KCNC2: variants seen among roughly 807,000 people sequenced by gnomAD.
The protein encoded by KCNC2 is voltage-gated potassium channel KCNC2.
In KCNC2, 21 loss-of-function variants were observed where a neutral mutation model predicts 44.5. That is an observed-to-expected ratio of 0.47 (90% CI 0.33 to 0.68). The LOEUF (loss-of-function observed/expected upper bound fraction) is 0.68. KCNC2 is among the 30% of genes least tolerant of loss of function. KCNC2 has a pLI of 0.01. For missense variants in KCNC2, 589 were observed against 826.2 expected (o/e 0.71, Z 3.52); for synonymous variants, 391 against 339.1 (o/e 1.15, Z -1.68).
intron 2 of KCNC2, among the ~76,000 whole-genome samples, chr12:75,076,038 T>TACACACACACACACACAC (rs71078709): frequency 7.1e-6 from 1 of 141,344 alleles, no homozygotes; most frequent in South Asian, 2.3e-4. Flanking sequence ...TAATGTTACA[T>TACACACACACACACACAC]ACACACACAC....
At chr12:75,051,840 AT>A (rs373434485) in intron 2 of KCNC2, among the ~76,000 whole-genome samples, 27 of 152,092 alleles carry the variant, frequency 1.8e-4, no homozygotes, top group African/African-American at 6.3e-4. Flanking sequence ...ATGAAAAAAA[AT>A]CTTTGCAATA....
chr12:75,045,501 C>T (rs990892468), intron 4 of KCNC2, among the ~76,000 whole-genome samples: 3 of 151,822 alleles, frequency 2.0e-5, no homozygotes, highest in African/African-American at 7.2e-5. Context: ...CTTTATTCTA[C>T]ATGTTCATTT....
At chr12:75,131,518 G>A (rs911736477) in intron 2 of KCNC2, among the ~76,000 whole-genome samples, 8 of 152,160 alleles carry the variant, frequency 5.3e-5, no homozygotes, top group Admixed American at 5.2e-4. Flanking sequence ...TAAATAGGGA[G>A]ATTATCCTGG....
At chr12:75,192,844 CAAA>C (rs2030414521) in intron 2 of KCNC2, among the ~76,000 whole-genome samples, 1 of 152,030 alleles carries the variant, frequency 6.6e-6, no homozygotes, top group Non-Finnish European at 1.5e-5. Flanking sequence ...ATCTATCGCA[CAAA>C]ATGGTGACCA....
intron 2 of KCNC2, among the ~76,000 whole-genome samples, chr12:75,147,060 A>G (rs1203858699): frequency 1.3e-5 from 2 of 152,214 alleles, no homozygotes; most frequent in African/African-American, 2.4e-5. Context: ...GCAATAAGAG[A>G]GTTTAGCAAG....
intron 4 of KCNC2, among the ~76,000 whole-genome samples, chr12:75,045,341 T>TTA (rs2136920157): frequency 6.6e-6 from 1 of 152,094 alleles, no homozygotes; most frequent in East Asian, 1.9e-4. Context: ...TCTTTCTGAA[T>TTA]TATAGTTTTA....
At chr12:75,138,593 T>A (rs1889396649) in intron 2 of KCNC2, among the ~76,000 whole-genome samples, 1 of 152,176 alleles carries the variant, frequency 6.6e-6, no homozygotes, top group African/African-American at 2.4e-5. Context: ...ACAAGGTATG[T>A]TTTTATTGTA....
chr12:75,207,446 C>A lies in KCNC2; in HGVS notation c.538G>T (p.Gly180Cys), dbSNP rs1283805120. The change falls in exon 2 of 5, where the codon GGC becomes TGC. Residue 180 changes from glycine to cysteine, a missense_variant. Around this residue, in one of 7 missense-constraint regions of KCNC2, gnomAD observed 97 missense variants for 73.3 expected, o/e 1.32. Transcript: ENST00000549446. The surrounding 1 kb of genome is among the most constrained non-coding windows in gnomAD (Gnocchi z 4.1). Reference protein sequence around the residue: ...ETPDLIGGDPGDDEDLAAKRL... With the variant: ...ETPDLIGGDPCDDEDLAAKRL... ...TTGGCCGCCAGGTCCTCGTCGTCGC[C>A]GGGGTCGCCGCCAATGAGGTCGGGG... The A allele has an allele frequency of 6.2e-7, 1 of 1,609,734 alleles. No individual in the cohort carries two copies. Among genetic ancestry groups the A allele is most frequent in the South Asian group, 1.1e-5 (1 of 90,596 alleles).
At chr12:75,135,781 A>G (rs898333750) in intron 2 of KCNC2, among the ~76,000 whole-genome samples, 2 of 152,030 alleles carry the variant, frequency 1.3e-5, no homozygotes, top group African/African-American at 4.8e-5. Flanking sequence ...CCTAACTTAG[A>G]TATTTATAAT....
intron 2 of KCNC2, among the ~76,000 whole-genome samples, chr12:75,063,103 T>C (rs924023906): frequency 1.3e-5 from 2 of 152,126 alleles, no homozygotes; most frequent in African/African-American, 2.4e-5. Flanking sequence ...GCCAGAATTA[T>C]ATATAGGCTT....
intron 2 of KCNC2, among the ~76,000 whole-genome samples, chr12:75,163,118 C>T (rs1317634049): frequency 2.0e-5 from 3 of 151,690 alleles, no homozygotes; most frequent in Admixed American, 6.6e-5. Flanking sequence ...GCCAGTAATA[C>T]CGCTTCCCAG....
At chr12:75,096,631 A>T (rs1194937755) in intron 2 of KCNC2, among the ~76,000 whole-genome samples, 1 of 152,062 alleles carries the variant, frequency 6.6e-6, no homozygotes, top group Admixed American at 6.6e-5. Context: ...GGCAATTATA[A>T]GACAAAGACA....
intron 2 of KCNC2, among the ~76,000 whole-genome samples, chr12:75,104,245 CA>C (rs1452289084): frequency 6.6e-6 from 1 of 152,058 alleles, no homozygotes; most frequent in African/African-American, 2.4e-5. Flanking sequence ...TGATCAAAAG[CA>C]CGGGTGGCAT....
chr12:75,118,382 A>C (rs1207011584), intron 2 of KCNC2, among the ~76,000 whole-genome samples: 1 of 152,142 alleles, frequency 6.6e-6, no homozygotes, highest in Non-Finnish European at 1.5e-5. Flanking sequence ...CAGATATTAC[A>C]AATTAGCAAA....
chr12:75,184,133 A>C (rs908437485), intron 2 of KCNC2, among the ~76,000 whole-genome samples: 1 of 152,100 alleles, frequency 6.6e-6, no homozygotes, highest in African/African-American at 2.4e-5. Context: ...TAGACTGCCT[A>C]TTATAACACT....
At chr12:75,057,953 G>A (rs1881922389) in intron 2 of KCNC2, among the ~76,000 whole-genome samples, 1 of 151,758 alleles carries the variant, frequency 6.6e-6, no homozygotes, top group African/African-American at 2.4e-5. Context: ...AATTGGAATT[G>A]TAATTGTTTG....
At chr12:75,163,502 G>A (rs1891253572) in intron 2 of KCNC2, among the ~76,000 whole-genome samples, 1 of 151,702 alleles carries the variant, frequency 6.6e-6, no homozygotes, top group African/African-American at 2.4e-5. Flanking sequence ...TTTCACACCA[G>A]CCACTTACAG....
At chr12:75,105,275 A>G (rs1266565123) in intron 2 of KCNC2, among the ~76,000 whole-genome samples, 4 of 152,122 alleles carry the variant, frequency 2.6e-5, no homozygotes. Flanking sequence ...AGGGAACAGC[A>G]AGTGTAATGA....
chr12:75,057,853 T>C (rs938674977), intron 2 of KCNC2, among the ~76,000 whole-genome samples: 5 of 151,870 alleles, frequency 3.3e-5, no homozygotes, highest in African/African-American at 1.2e-4. Context: ...CCCTGATAAA[T>C]ATCTTCTACC....
Sources: gnomAD v4.1 joint callset for allele counts (sites outside exome capture counted in the v4.1 genomes callset) on GRCh38, gnomAD v4.1.1 for gene constraint, gnomAD v4.1.1 regional missense constraint, Gnocchi (gnomAD v3.1) non-coding constraint, MANE v1.5 for transcripts, NCBI Gene and HGNC (gene_info 2026-07-23, HGNC 2026-07-21) for gene names.